The following MORN1 variants were observed in gnomAD, a reference collection of about 807,000 sequenced individuals.
The protein encoded by MORN1 is MORN repeat-containing protein 1.
A neutral mutation model predicts 61.9 loss-of-function variants in MORN1; 67 were observed. The ratio of observed to expected loss-of-function variants is 1.08; its 90% CI spans 0.89 to 1.33. The LOEUF is 1.33. Among genes scored for constraint, MORN1 ranks in the 40% most tolerant of loss-of-function variants. MORN1 has a pLI of 0.00. For synonymous variants in MORN1, 301 were observed against 292.0 expected (o/e 1.03, Z -0.31); for missense variants, 752 against 691.2 (o/e 1.09, Z -0.99).
At position 2,331,839 on chromosome 1, in the gene MORN1, GTGCGGCTCTCCCGCCCC is replaced by G. The variant is rs1311487690; in HGVS notation, c.1250+4613_1250+4629del. 2.7e-3 allele frequency among the ~76,000 whole-genome samples: 291 copies of G among 106,654 alleles called. 5 individuals carry two copies. The highest frequency in any genetic ancestry group is 0.012 in the African/African-American group (275 of 23,020). 70.0% of individuals were successfully genotyped at this position (106,654 alleles called of 152,430 possible). On this transcript the variant is annotated intron_variant, in intron 12 of 13. Transcript: ENST00000378531. ...TCTCCCGCCGCTGCGCCTCTCCCTC[GTGCGGCTCTCCCGCCCC>G]TGCGCCTCTCCCTCGTGCGCCTCTC... is the stretch of plus-strand genomic sequence containing the variant.
intron 8 of MORN1, among the ~76,000 whole-genome samples, chr1:2,367,449 G>A (rs972756663): frequency 7.6e-6 from 1 of 132,320 alleles, no homozygotes; most frequent in African/African-American, 2.7e-5. Flanking sequence ...GTGAGATTCT[G>A]TCTCTACAAA....
At chr1:2,345,228 C>A (rs1452914562) in intron 10 of MORN1, among the ~76,000 whole-genome samples, 2 of 152,246 alleles carry the variant, frequency 1.3e-5, no homozygotes. Context: ...GGTCCCCAGG[C>A]TGCCACACTC....
chr1:2,342,555 T>C (rs1641417334), intron 10 of MORN1, among the ~76,000 whole-genome samples: 1 of 152,038 alleles, frequency 6.6e-6, no homozygotes, highest in Non-Finnish European at 1.5e-5. Context: ...CCTGGAGAAG[T>C]CAGCGGGAAC....
At chr1:2,374,631 C>T (rs1642195334) in intron 6 of MORN1, 74 bp from the exon 7 acceptor site, 6 of 1,294,064 alleles carry the variant, frequency 4.6e-6, no homozygotes, top group South Asian at 1.3e-5. Flanking sequence ...GGCACTGCAG[C>T]TTCCTGGTGC....
chr1:2,357,439 G>A lies in MORN1; in HGVS notation c.1029C>T (p.Gly343=). 1.9e-6 allele frequency: 3 copies of A among 1,604,226 alleles called. No individual in the cohort carries two copies. The highest frequency in any genetic ancestry group is 1.1e-5 in the South Asian group (1 of 90,386). ...ALHGQEDTPG[G]LLARGHAPHC... Reference sequence around the variant, plus strand: ...TTTGTGAGCTCCACTTACCAAGCAGGCCACCAGGGGTGTCCTCCTGGCCAT... The same window carrying A: ...TTTGTGAGCTCCACTTACCAAGCAGACCACCAGGGGTGTCCTCCTGGCCAT... Residue 343 remains glycine (G), a synonymous_variant, in exon 10 of 14, where the codon GGC becomes GGT. Coordinates refer to ENST00000378531, the MANE Select transcript of MORN1 (RefSeq NM_024848.3). The surrounding 1 kb of genome is among the most constrained non-coding windows in gnomAD (Gnocchi z 6.3).
chr1:2,358,105 T>C (rs1466989342), intron 9 of MORN1, among the ~76,000 whole-genome samples: 1 of 152,156 alleles, frequency 6.6e-6, no homozygotes, highest in Non-Finnish European at 1.5e-5. Flanking sequence ...CTCAGGCCTC[T>C]GTTTGCGTGT....
chr1:2,348,471 C>T lies in MORN1; in HGVS notation c.1036+8961G>A, dbSNP rs116534263. Among the ~76,000 whole-genome samples, 850 of 152,296 alleles carry T rather than the reference C, an allele frequency of 5.6e-3. 8 individuals are homozygous for T. Among genetic ancestry groups the T allele is most frequent in the African/African-American group, 0.02 (818 of 41,554 alleles). ...CCTCCATCCTGCCCCAGCCTGGATC[C>T]GCCGCTTCTCCAGGGAACCCCGGTT... is the stretch of plus-strand genomic sequence containing the variant. On this transcript the variant is annotated intron_variant, in intron 10 of 13. Coordinates refer to ENST00000378531, the MANE Select transcript of MORN1 (RefSeq NM_024848.3).
chr1:2,332,550 G>A (rs1209263482), intron 12 of MORN1: 1 of 454,632 alleles, frequency 2.2e-6, no homozygotes, highest in South Asian at 1.6e-5. Flanking sequence ...CTATGATGGG[G>A]GAATGGGCAG....
intron 8 of MORN1, among the ~76,000 whole-genome samples, chr1:2,361,852 C>G (rs1026136203): frequency 6.6e-6 from 1 of 152,180 alleles, no homozygotes; most frequent in African/African-American, 2.4e-5. Context: ...TTGATTAACA[C>G]ATATTGTGTA....
At chr1:2,324,714 G>A (rs1339893458) in intron 12 of MORN1, among the ~76,000 whole-genome samples, 3 of 152,258 alleles carry the variant, frequency 2.0e-5, no homozygotes, top group Admixed American at 6.5e-5. Flanking sequence ...GGGCCTCCCC[G>A]TGGAGACACT....
Position 2,321,404 on chromosome 1 carries a change from T to C in MORN1, c.1473A>G (p.Pro491=). The C allele has an allele frequency of 6.5e-7, 1 of 1,534,650 alleles. No homozygotes were observed. Among genetic ancestry groups the C allele is most frequent in the Admixed American group, 2.1e-5 (1 of 48,292 alleles). The change falls in exon 14 of 14, where the codon CCA becomes CCG. Residue 491 remains proline, a synonymous_variant. Coordinates refer to ENST00000378531, the MANE Select transcript of MORN1 (RefSeq NM_024848.3). ...SSWQAAHSCT[P]EPPAPR is the part of the protein sequence containing the mutation. ...GGCCTCACCGAGGCGCTGGCGGCTC[T>C]GGGGTGCAGCTGTGGGCGGCCTGCC... is the stretch of plus-strand genomic sequence containing the variant.
At chr1:2,338,756 G>T (rs928134656) in intron 10 of MORN1, among the ~76,000 whole-genome samples, 1 of 152,152 alleles carries the variant, frequency 6.6e-6, no homozygotes, top group African/African-American at 2.4e-5. Context: ...CTGAGGCTTG[G>T]GGGTTCTGAC....
chr1:2,357,628 A>T lies in MORN1; in HGVS notation c.870-30T>A. The T allele has an allele frequency of 1.9e-6, 3 of 1,556,270 alleles. No homozygotes were observed. Among genetic ancestry groups the T allele is most frequent in the Non-Finnish European group, 2.6e-6 (3 of 1,146,760 alleles). ...AAAGGAATGGGGGCAGCTTGGCTCT[A>T]CTCACCCCACACCAAACTAGGGTGC... is the stretch of plus-strand genomic sequence containing the variant. On this transcript the variant is annotated intron_variant, in intron 9 of 13. Transcript: ENST00000378531. This position sits in a 1 kb window ranked among gnomAD's most constrained non-coding sequence, Gnocchi z 6.3.
At chr1:2,325,854 G>C (rs1281497657) in intron 12 of MORN1, among the ~76,000 whole-genome samples, 1 of 152,080 alleles carries the variant, frequency 6.6e-6, no homozygotes, top group Admixed American at 6.6e-5. Context: ...CAAACTCCTG[G>C]GCTCAAATGA....
chr1:2,336,653 G>C (rs911059548), intron 11 of MORN1, 64 bp downstream of exon 11: 6 of 1,568,728 alleles, frequency 3.8e-6, no homozygotes, highest in African/African-American at 2.7e-5. Flanking sequence ...GTGTTGAGGT[G>C]GTGGGTGGGC....
At chr1:2,324,830 C>T (rs1375182073) in intron 12 of MORN1, among the ~76,000 whole-genome samples, 1 of 152,076 alleles carries the variant, frequency 6.6e-6, no homozygotes, top group African/African-American at 2.4e-5. Context: ...TGGGCCTGTT[C>T]CTCCTGCCTG....
At chr1:2,369,210 C>T (rs7542190) in intron 8 of MORN1, among the ~76,000 whole-genome samples, 48,332 of 151,072 alleles carry the variant, frequency 0.32, 8,949 homozygotes, top group South Asian at 0.45. Context: ...AAAAATTAGC[C>T]GGGCATGGTG....
At chr1:2,377,834 G>A (rs937283429) in intron 6 of MORN1, 1 of 152,270 alleles carries the variant, frequency 6.6e-6, no homozygotes, top group Non-Finnish European at 1.5e-5. Context: ...CTGTGGTCTG[G>A]AGAAAGTAAC....
chr1:2,352,331 A>C, intron 10 of MORN1: 1 of 161,556 alleles, frequency 6.2e-6, no homozygotes, highest in Non-Finnish European at 1.3e-5. Flanking sequence ...CAGTGGCAGA[A>C]TAGGCAACAG....
Sources: gnomAD v4.1 joint callset for allele counts (sites outside exome capture counted in the v4.1 genomes callset) on GRCh38, gnomAD v4.1.1 for gene constraint, Gnocchi (gnomAD v3.1) non-coding constraint, MANE v1.5 for transcripts, NCBI Gene and HGNC (gene_info 2026-07-23, HGNC 2026-07-21) for gene names.